STX18: variants seen among roughly 807,000 people sequenced by gnomAD.
The protein encoded by STX18 is syntaxin-18.
STX18 carries 40 observed loss-of-function variants against 50.1 expected under a neutral mutation model. The observed-to-expected ratio is 0.80, with a 90% CI of 0.62 to 1.04. The LOEUF is 1.04. Among genes scored for constraint, STX18 ranks in the 50% least tolerant of loss-of-function variants. The pLI is 0.00. For synonymous variants in STX18, 158 were observed against 151.8 expected (o/e 1.04, Z -0.30); for missense variants, 410 against 415.8 (o/e 0.99, Z 0.12).
chr4:4,524,256 T>A (rs949236939), intron 1 of STX18, among the ~76,000 whole-genome samples: 3 of 152,218 alleles, frequency 2.0e-5, no homozygotes, highest in African/African-American at 7.2e-5. Flanking sequence ...CAATTTTGAA[T>A]GCAATGTACA....
At chr4:4,448,475 GGAATT>G (rs1399424748) in intron 5 of STX18, among the ~76,000 whole-genome samples, 1 of 151,940 alleles carries the variant, frequency 6.6e-6, no homozygotes, top group Non-Finnish European at 1.5e-5. Flanking sequence ...CCGAGTAGCT[GGAATT>G]ACAGGAGTGC....
chr4:4,452,188 G>A (rs1337722134), intron 5 of STX18, among the ~76,000 whole-genome samples: 1 of 152,156 alleles, frequency 6.6e-6, no homozygotes, highest in Non-Finnish European at 1.5e-5. Context: ...TGAGGAAGCT[G>A]CAAAAGAAAA....
intron 1 of STX18, among the ~76,000 whole-genome samples, chr4:4,492,424 A>G (rs1204693441): frequency 1.3e-5 from 2 of 152,170 alleles, no homozygotes; most frequent in African/African-American, 4.8e-5. Flanking sequence ...TTCACTGAAA[A>G]CTTTTCATAA....
intron 2 of STX18, among the ~76,000 whole-genome samples, chr4:4,460,338 C>A (rs953930012): frequency 2.6e-5 from 4 of 152,146 alleles, no homozygotes; most frequent in African/African-American, 9.7e-5. Context: ...GGAGAATATG[C>A]TTGATACACA....
At chr4:4,489,456 C>T (rs577626560) in intron 1 of STX18, among the ~76,000 whole-genome samples, 42 of 119,094 alleles carry the variant, frequency 3.5e-4, no homozygotes, top group Admixed American at 1.9e-3. Flanking sequence ...TGCCATGTTG[C>T]CCAGGCTGGT....
intron 5 of STX18, among the ~76,000 whole-genome samples, chr4:4,453,447 G>C (rs1428185664): frequency 2.0e-5 from 3 of 152,086 alleles, no homozygotes; most frequent in African/African-American, 7.2e-5. Flanking sequence ...ACAAACATTA[G>C]CACTTTCAGC....
intron 8 of STX18, among the ~76,000 whole-genome samples, chr4:4,424,104 C>T (rs1577308389): frequency 7.2e-6 from 1 of 139,808 alleles, no homozygotes; most frequent in East Asian, 1.9e-4. Context: ...TCCTCTGATT[C>T]ATTTAGAAAA....
At chr4:4,454,285 T>C (rs1303180235) in intron 5 of STX18, among the ~76,000 whole-genome samples, 1 of 152,224 alleles carries the variant, frequency 6.6e-6, no homozygotes, top group Non-Finnish European at 1.5e-5. Flanking sequence ...TGCAAAGTAA[T>C]TGGCACAGGG....
intron 1 of STX18, among the ~76,000 whole-genome samples, chr4:4,512,792 AG>A (rs1730061160): frequency 6.6e-6 from 1 of 152,204 alleles, no homozygotes; most frequent in African/African-American, 2.4e-5. Context: ...AGTAACCCAC[AG>A]ATGAAAACTG....
At chr4:4,438,020 C>T (rs2108788713) in intron 6 of STX18, among the ~76,000 whole-genome samples, 1 of 152,362 alleles carries the variant, frequency 6.6e-6, no homozygotes, top group South Asian at 2.1e-4. Context: ...GTTATACACT[C>T]TACCCGGATG....
At chr4:4,460,474 T>A (rs533802174) in intron 2 of STX18, among the ~76,000 whole-genome samples, 3 of 151,736 alleles carry the variant, frequency 2.0e-5, no homozygotes, top group African/African-American at 7.3e-5. Flanking sequence ...AGGGAATACA[T>A]CCATCCTGAG....
At chr4:4,475,401 T>C (rs2108840993) in intron 1 of STX18, among the ~76,000 whole-genome samples, 1 of 150,718 alleles carries the variant, frequency 6.6e-6, no homozygotes, top group South Asian at 2.1e-4. Flanking sequence ...AATGAAAAAA[T>C]AAAGGAACAT....
At chr4:4,431,272 C>A (rs1301410325) in intron 7 of STX18, among the ~76,000 whole-genome samples, 1 of 152,152 alleles carries the variant, frequency 6.6e-6, no homozygotes, top group Non-Finnish European at 1.5e-5. Flanking sequence ...GAGCTGTACA[C>A]ATTTTTTGTC....
chr4:4,441,739 G>A (rs1376128976), intron 5 of STX18, among the ~76,000 whole-genome samples: 1 of 152,138 alleles, frequency 6.6e-6, no homozygotes. Flanking sequence ...CCATCCTGAA[G>A]CCGGAAAAAT....
chr4:4,425,041 G>C lies in STX18; in HGVS notation c.761+123C>G, dbSNP rs1725176164. ...CCACCCCAGCCCAGTCAAAATGGCT[G>C]AGGGGGGCTGCACCAGCCCAAGGGC... On this transcript the variant is annotated intron_variant, in intron 8 of 10. Coordinates refer to ENST00000306200, the MANE Select transcript of STX18 (RefSeq NM_016930.4). 4 of 851,032 alleles carry C rather than the reference G, an allele frequency of 4.7e-6. No individual in the cohort carries two copies. In the East Asian group the frequency reaches 1.0e-4, roughly 22 times the overall value. The allele number at this position is 851,032 out of a possible 1,614,324, so 52.7% of individuals were successfully genotyped here.
intron 1 of STX18, among the ~76,000 whole-genome samples, chr4:4,473,857 C>T (rs34970240): frequency 0.036 from 5,497 of 152,252 alleles, 119 homozygotes; most frequent in Non-Finnish European, 0.05. Context: ...TTTCAAAATA[C>T]ACTGCAGTTA....
chr4:4,427,864 A>C (rs1725332482), intron 7 of STX18, among the ~76,000 whole-genome samples: 1 of 152,220 alleles, frequency 6.6e-6, no homozygotes, highest in Admixed American at 6.5e-5. Flanking sequence ...CACCTGAAAA[A>C]TACCTAGTCC....
intron 1 of STX18, among the ~76,000 whole-genome samples, chr4:4,533,599 C>T (rs1242203891): frequency 1.3e-5 from 2 of 152,226 alleles, no homozygotes; most frequent in East Asian, 3.8e-4. Flanking sequence ...GGTATTCTGA[C>T]TTACACACAA....
intron 1 of STX18, among the ~76,000 whole-genome samples, chr4:4,515,652 C>T (rs1438927686): frequency 1.3e-5 from 2 of 152,124 alleles, no homozygotes; most frequent in Non-Finnish European, 2.9e-5. Context: ...GACACACGTG[C>T]TTTAGCAGTC....
Sources: allele counts gnomAD v4.1 joint callset (sites outside exome capture counted in the v4.1 genomes callset), GRCh38; gene constraint gnomAD v4.1.1; transcripts MANE v1.5; gene names NCBI Gene and HGNC (gene_info 2026-07-23, HGNC 2026-07-21).